ARL13B: variants seen among roughly 807,000 people sequenced by gnomAD.
ARL13B encodes the protein ARF like GTPase 13B.
In ARL13B, 36 loss-of-function variants were observed where a neutral mutation model predicts 56.1. The observed-to-expected ratio is 0.64, with a 90% CI of 0.49 to 0.85. The LOEUF (loss-of-function observed/expected upper bound fraction) is 0.85, where lower values mean the gene tolerates loss of function less well. ARL13B is among the 40% of genes least tolerant of loss of function. ARL13B has a pLI of 0.00. For synonymous variants in ARL13B, 178 were observed against 171.1 expected, an observed-to-expected ratio of 1.04 and a Z score of -0.32; for missense variants, 519 against 507.1, an observed-to-expected ratio of 1.02 and a Z score of -0.23.
chr3:94,028,815 C>T (rs983207100), intron 3 of ARL13B, among the ~76,000 whole-genome samples: 2 of 152,052 alleles, frequency 1.3e-5, no homozygotes, highest in African/African-American at 4.8e-5. Flanking sequence ...AGGTTACTTT[C>T]TTTTCTATAG....
At chr3:94,033,119 A>G (rs566700034) in intron 3 of ARL13B, among the ~76,000 whole-genome samples, 1 of 152,354 alleles carries the variant, frequency 6.6e-6, no homozygotes, top group South Asian at 2.1e-4. Context: ...AATAATTCAG[A>G]AACAGTCAAA....
Position 94,010,476 on chromosome 3 carries a change from A to G in ARL13B, c.380+6568A>G, listed in dbSNP as rs368963170. On this transcript the variant is annotated intron_variant, in intron 3 of 9. Transcript: ENST00000394222. ...GTTATGAATATGAGCTTTAGTGCTC[A>G]TAGTAATTTTTATTTTTATTATTGC... Among the ~76,000 whole-genome samples the G allele has an allele frequency of 2.6e-5, 4 of 152,236 alleles. No individual in the cohort carries two copies. In the East Asian group the frequency reaches 7.7e-4, roughly 29 times the overall value.
At chr3:93,988,249 A>C (rs183438153) in intron 1 of ARL13B, among the ~76,000 whole-genome samples, 14 of 152,280 alleles carry the variant, frequency 9.2e-5, no homozygotes, top group South Asian at 6.2e-4. Flanking sequence ...AAAAAAAAAA[A>C]AAAACATGGC....
At chr3:94,036,418 T>C in intron 4 of ARL13B, 134 bp from the exon 5 acceptor site, 1 of 869,900 alleles carries the variant, frequency 1.1e-6, no homozygotes, top group Non-Finnish European at 1.8e-6. Flanking sequence ...GTTTTGGAAG[T>C]TAAATAAGCA....
At chr3:94,045,042 G>A (rs2076957162) in intron 7 of ARL13B, among the ~76,000 whole-genome samples, 1 of 152,276 alleles carries the variant, frequency 6.6e-6, no homozygotes, top group African/African-American at 2.4e-5. Context: ...GAGATCAGAT[G>A]GTTACTGTGT....
At chr3:94,006,562 C>CT (rs1453668542) in intron 3 of ARL13B, among the ~76,000 whole-genome samples, 2 of 152,164 alleles carry the variant, frequency 1.3e-5, no homozygotes, top group Non-Finnish European at 2.9e-5. Context: ...TAACCAGTCT[C>CT]TAACTGCCAG....
chr3:93,997,036 T>C (rs36049016), intron 2 of ARL13B, among the ~76,000 whole-genome samples: 12,501 of 151,944 alleles, frequency 0.082, 639 homozygotes, highest in Middle Eastern at 0.19. Flanking sequence ...CTTATGAGAA[T>C]CTAATGCCTA....
At chr3:93,980,583 C>T in intron 1 of ARL13B, 101 bp downstream of exon 1, 1 of 1,453,280 alleles carries the variant, frequency 6.9e-7, no homozygotes, top group South Asian at 1.2e-5. Context: ...GAGTCTATCC[C>T]AGGCCGCAAG....
intron 3 of ARL13B, among the ~76,000 whole-genome samples, chr3:94,033,735 A>G (rs1316650868): frequency 6.6e-6 from 1 of 152,246 alleles, no homozygotes; most frequent in African/African-American, 2.4e-5. Context: ...CCACCAAAAT[A>G]GGACATTATA....
chr3:94,055,021 C>CTG lies in ARL13B; in HGVS notation c.*1760_*1761dup, dbSNP rs1033557363. ...TGTTTTTAAAATTTGTGTTTTCTAT[C>CTG]TGTTTACTATAGTGTAGCTACTGGC... On this transcript the variant is annotated 3_prime_UTR_variant, in exon 10 of 10. Transcript: ENST00000394222. 3.7e-4 allele frequency: 120 copies of CTG among 322,682 alleles called. No individual in the cohort carries two copies. The highest frequency in any genetic ancestry group is 2.6e-3 in the African/African-American group (117 of 44,660). The allele number at this position is 322,682 out of a possible 1,614,324, so 20.0% of individuals were successfully genotyped here.
At chr3:94,016,740 G>A (rs1447064306) in intron 3 of ARL13B, among the ~76,000 whole-genome samples, 2 of 150,960 alleles carry the variant, frequency 1.3e-5, no homozygotes, top group African/African-American at 2.4e-5. Flanking sequence ...TCTGCCTCCC[G>A]GGTTTAAGTG....
At chr3:94,052,901 A>G (rs2077088762) in intron 9 of ARL13B, among the ~76,000 whole-genome samples, 1 of 152,144 alleles carries the variant, frequency 6.6e-6, no homozygotes, top group Non-Finnish European at 1.5e-5. Flanking sequence ...TAAGGAAGGA[A>G]TATTTTAACC....
Position 94,053,189 on chromosome 3 carries a change from T to A in ARL13B, c.1213T>A (p.Phe405Ile), listed in dbSNP as rs1263484385. 1.2e-6 allele frequency: 2 copies of A among 1,611,346 alleles called. No individual in the cohort carries two copies. The highest frequency in any genetic ancestry group is 1.3e-5 in the African/African-American group (1 of 75,006). The change falls in exon 10 of 10, where the codon TTC becomes ATC. Residue 405 changes from phenylalanine (F) to isoleucine (I), a missense_variant and splice_region_variant. Transcript: ENST00000394222. ...TTTGGTTTTCTTTCTTTTCTTAGAT[T>A]TCTATAGGAAGCCACTGCCTCCCCT... The part of the protein sequence containing the change: ...EPLGETHHND[F>I]YRKPLPPLAV...
At chr3:94,031,633 A>G (rs940415919) in intron 3 of ARL13B, among the ~76,000 whole-genome samples, 2 of 152,210 alleles carry the variant, frequency 1.3e-5, no homozygotes, top group Admixed American at 6.6e-5. Flanking sequence ...TTTTAAATCC[A>G]TAAGTTCATA....
intron 3 of ARL13B, among the ~76,000 whole-genome samples, chr3:94,031,085 G>C (rs747447689): frequency 6.6e-5 from 10 of 152,120 alleles, no homozygotes; most frequent in Non-Finnish European, 1.0e-4. Context: ...CCAGCTACTT[G>C]AGAGGCTGAG....
At chr3:93,985,369 T>C (rs1175996377) in intron 1 of ARL13B, among the ~76,000 whole-genome samples, 1 of 152,160 alleles carries the variant, frequency 6.6e-6, no homozygotes, top group Non-Finnish European at 1.5e-5. Flanking sequence ...ATAGTGCATG[T>C]AAAATATAAT....
intron 4 of ARL13B, 28 bp from the exon 5 acceptor site, chr3:94,036,524 C>G: frequency 1.2e-6 from 2 of 1,608,616 alleles, no homozygotes; most frequent in Non-Finnish European, 1.7e-6. Flanking sequence ...ACCTTTTAAT[C>G]TTTTAGTCAA....
chr3:94,038,347 T>G (rs1243044649), intron 5 of ARL13B, among the ~76,000 whole-genome samples: 3 of 152,058 alleles, frequency 2.0e-5, no homozygotes, highest in Non-Finnish European at 4.4e-5. Context: ...AATCTCCAAA[T>G]CTTGGCTTCC....
intron 3 of ARL13B, among the ~76,000 whole-genome samples, chr3:94,011,165 T>C (rs1213405727): frequency 6.6e-6 from 1 of 152,130 alleles, no homozygotes; most frequent in Non-Finnish European, 1.5e-5. Flanking sequence ...ATTTTACATA[T>C]ACAAATTCAG....
Sources: gnomAD v4.1 joint callset for allele counts (sites outside exome capture counted in the v4.1 genomes callset) on GRCh38, gnomAD v4.1.1 for gene constraint, MANE v1.5 for transcripts, NCBI Gene and HGNC (gene_info 2026-07-23, HGNC 2026-07-21) for gene names.